Variants in CEBPG observed in about 807,000 individuals in gnomAD.
CEBPG encodes CCAAT enhancer binding protein gamma, also known as CCAAT/enhancer-binding protein gamma.
In CEBPG, 6 loss-of-function variants were observed where a neutral mutation model predicts 11.1. The ratio of observed to expected loss-of-function variants is 0.54; its 90% confidence interval spans 0.30 to 1.07. The LOEUF (loss-of-function observed/expected upper bound fraction) is 1.07. Among genes scored for constraint, CEBPG ranks in the 50% least tolerant of loss-of-function variants. CEBPG has a pLI of 0.07. For missense variants in CEBPG, 161 were observed against 187.4 expected, an observed-to-expected ratio of 0.86 and a Z score of 0.82; for synonymous variants, 66 against 71.0, an observed-to-expected ratio of 0.93 and a Z score of 0.36.
intron 1 of CEBPG, among the ~76,000 whole-genome samples, chr19:33,377,969 A>T (rs1000446465): frequency 2.0e-4 from 30 of 152,146 alleles, no homozygotes; most frequent in Non-Finnish European, 2.9e-5. Context: ...CTGACTCCAG[A>T]TTTTTTCCAC....
chr19:33,379,699 C>A lies in CEBPG; in HGVS notation c.*7C>A. 6.3e-7 allele frequency: 1 copy of A among 1,594,234 alleles called. No individual in the cohort carries two copies. The highest frequency in any genetic ancestry group is 8.6e-7 in the Non-Finnish European group (1 of 1,168,204). On this transcript the variant is annotated 3_prime_UTR_variant, in exon 2 of 2. Transcript: ENST00000284000. ...CGACAATGCAGGACAGTAGACCTCA[C>A]CCTTTCCAGACTTTAGAGCTTGTGG...
Position 33,381,120 on chromosome 19 carries a change from T to G in CEBPG, c.*1428T>G, listed in dbSNP as rs1967982698. ...TTCTTAGCACAGTTCTAGCTCAAATTTGTGTATTTTTTGTGTGCCTGGGCT... is the reference window on the plus strand; with the variant it reads ...TTCTTAGCACAGTTCTAGCTCAAATGTGTGTATTTTTTGTGTGCCTGGGCT... On this transcript the variant is annotated 3_prime_UTR_variant, in exon 2 of 2. Transcript: ENST00000284000. 1 of 167,118 alleles carries G rather than the reference T, an allele frequency of 6.0e-6. No individual in the cohort carries two copies. The highest frequency in any genetic ancestry group is 1.5e-5 in the Non-Finnish European group (1 of 68,124). The allele number at this position is 167,118 out of a possible 1,614,324, so 10.4% of individuals were successfully genotyped here.
chr19:33,374,141 G>A (rs1967880330), intron 1 of CEBPG, among the ~76,000 whole-genome samples: 2 of 149,344 alleles, frequency 1.3e-5, no homozygotes. Context: ...GCGCTGCGGC[G>A]CCGCCCGTCG....
rs375374750 is a variant in CEBPG at position 33,379,523 on chromosome 19, A to G, written c.284A>G (p.Asn95Ser). 140 of 1,614,020 alleles carry G rather than the reference A, an allele frequency of 8.7e-5. No homozygotes were observed. The highest frequency in any genetic ancestry group is 8.2e-4 in the Middle Eastern group (5 of 6,084). Residue 95 changes from asparagine to serine, a missense_variant, in exon 2 of 2, where the codon AAT becomes AGT. Asn to Ser is a conservative substitution (Grantham distance 46, BLOSUM62 1). Coordinates refer to ENST00000284000, the MANE Select transcript of CEBPG (RefSeq NM_001806.4). The part of the protein sequence containing the change: ...QKAQDTLQRV[N>S]QLKEENERLE... The stretch of plus-strand genomic sequence containing the variant: ...GCACAAGACACACTGCAGAGAGTCA[A>G]TCAGCTCAAAGAAGAGAATGAACGG...
Position 33,379,980 on chromosome 19 carries a change from C to T in CEBPG, c.*288C>T. Reference sequence around the variant, plus strand: ...TGGGATCCCGATGTTCTTAATAAATCCTGACTTCCCAAGAAATGCTTCTTT... The same window carrying T: ...TGGGATCCCGATGTTCTTAATAAATTCTGACTTCCCAAGAAATGCTTCTTT... On this transcript the variant is annotated 3_prime_UTR_variant, in exon 2 of 2. Transcript: ENST00000284000. 1 of 277,744 alleles carries T rather than the reference C, an allele frequency of 3.6e-6. No homozygotes were observed. The highest frequency in any genetic ancestry group is 7.1e-6 in the Non-Finnish European group (1 of 140,224). The allele number at this position is 277,744 out of a possible 1,614,324, so 17.2% of individuals were successfully genotyped here. A position where few individuals can be genotyped will look rare whatever the true frequency, so the allele number is the denominator to read the frequency against.
chr19:33,378,097 G>T (rs1380948666), intron 1 of CEBPG, among the ~76,000 whole-genome samples: 1 of 152,194 alleles, frequency 6.6e-6, no homozygotes, highest in Admixed American at 6.5e-5. Context: ...ACTGAACTTA[G>T]TTTGTCTTGA....
chr19:33,375,485 T>C (rs567080964), intron 1 of CEBPG, among the ~76,000 whole-genome samples: 2 of 152,324 alleles, frequency 1.3e-5, no homozygotes, highest in African/African-American at 4.8e-5. Flanking sequence ...GTTTGTGGCT[T>C]TCTAGCTCTA....
In CEBPG at chr19:33,379,837, A is replaced by T; in HGVS notation, c.*145A>T. On this transcript the variant is annotated 3_prime_UTR_variant, in exon 2 of 2. Coordinates refer to ENST00000284000, the MANE Select transcript of CEBPG (RefSeq NM_001806.4). ...CTATTTTCTGGGATCAGCACTGAAG[A>T]GTTGATTAGCTAAAAATGTTAGCCT... 3.0e-6 allele frequency: 2 copies of T among 662,988 alleles called. No individual in the cohort carries two copies. Among genetic ancestry groups the T allele is most frequent in the Non-Finnish European group, 5.0e-6 (2 of 402,608 alleles). 41.1% of individuals were successfully genotyped at this position (662,988 alleles called of 1,614,324 possible).
Position 33,379,867 on chromosome 19 carries a change from A to T in CEBPG, c.*175A>T, listed in dbSNP as rs188012776. The T allele has an allele frequency of 7.2e-6, 4 of 554,836 alleles. No homozygotes were observed. The Admixed American group carries it at 1.5e-4, about 20-fold the overall frequency. The allele number at this position is 554,836 out of a possible 1,614,324, so 34.4% of individuals were successfully genotyped here. The stretch of plus-strand genomic sequence containing the variant: ...ATTAGCTAAAAATGTTAGCCTTGTA[A>T]TTCGAATATCTGGTTTTAAATGATA... On this transcript the variant is annotated 3_prime_UTR_variant, in exon 2 of 2. Coordinates refer to ENST00000284000, the MANE Select transcript of CEBPG (RefSeq NM_001806.4).
chr19:33,381,769 C>T lies in CEBPG; in HGVS notation c.*2077C>T, dbSNP rs780467002. 6.0e-6 allele frequency: 1 copy of T among 167,010 alleles called. No homozygotes were observed. The highest frequency in any genetic ancestry group is 1.5e-5 in the Non-Finnish European group (1 of 68,108). 10.3% of individuals were successfully genotyped at this position (167,010 alleles called of 1,614,324 possible). ...GAAAAAGAAACTTTAGAGAAAGCAT[C>T]AGGGGTGTGTACTCAGTATTTCAAA... On this transcript the variant is annotated 3_prime_UTR_variant, in exon 2 of 2. Transcript: ENST00000284000.
In CEBPG at chr19:33,379,864, G is replaced by A. The variant is rs185005019; in HGVS notation, c.*172G>A. 1 of 559,972 alleles carries A rather than the reference G, an allele frequency of 1.8e-6. No homozygotes were observed. Among genetic ancestry groups the A allele is most frequent in the Admixed American group, 3.6e-5 (1 of 27,452 alleles). The allele number at this position is 559,972 out of a possible 1,614,324, so 34.7% of individuals were successfully genotyped here. On this transcript the variant is annotated 3_prime_UTR_variant, in exon 2 of 2. Coordinates refer to ENST00000284000, the MANE Select transcript of CEBPG (RefSeq NM_001806.4). ...TTGATTAGCTAAAAATGTTAGCCTT[G>A]TAATTCGAATATCTGGTTTTAAATG... is the stretch of plus-strand genomic sequence containing the variant.
chr19:33,380,625 G>T lies in CEBPG; in HGVS notation c.*933G>T, dbSNP rs900407194. ...TAATTCAGAAGGTAGTTTCTCTTGT[G>T]TTCAAAATAGCTGCCATGGGGCTGT... On this transcript the variant is annotated 3_prime_UTR_variant, in exon 2 of 2. Transcript: ENST00000284000. 3 of 166,938 alleles carry T rather than the reference G, an allele frequency of 1.8e-5. No individual in the cohort carries two copies. The highest frequency in any genetic ancestry group is 7.2e-5 in the African/African-American group (3 of 41,430). The allele number at this position is 166,938 out of a possible 1,614,324, so 10.3% of individuals were successfully genotyped here.
In CEBPG at chr19:33,381,571, C is replaced by T. The variant is rs533429482; in HGVS notation, c.*1879C>T. 5.0e-4 allele frequency: 84 copies of T among 167,194 alleles called. No individual in the cohort carries two copies. Among genetic ancestry groups the T allele is most frequent in the Non-Finnish European group, 1.0e-3 (68 of 68,110 alleles). The allele number at this position is 167,194 out of a possible 1,614,324, so 10.4% of individuals were successfully genotyped here. ...GCCAGGACACACCCACAGGATCCTA[C>T]TGGCTCCTTAGCAGCTGATTGGTGT... On this transcript the variant is annotated 3_prime_UTR_variant, in exon 2 of 2. Coordinates refer to ENST00000284000, the MANE Select transcript of CEBPG (RefSeq NM_001806.4).
Position 33,381,456 on chromosome 19 carries a change from G to C in CEBPG, c.*1764G>C, listed in dbSNP as rs1967987174. On this transcript the variant is annotated 3_prime_UTR_variant, in exon 2 of 2. Coordinates refer to ENST00000284000, the MANE Select transcript of CEBPG (RefSeq NM_001806.4). ...GGCTGTTAACTCCCTATAGAGCCAG[G>C]AGACAGGATAGGGGTTTCTAGGGTC... 6.0e-6 allele frequency: 1 copy of C among 166,988 alleles called. No homozygotes were observed. Among genetic ancestry groups the C allele is most frequent in the African/African-American group, 2.4e-5 (1 of 41,452 alleles). The allele number at this position is 166,988 out of a possible 1,614,324, so 10.3% of individuals were successfully genotyped here. A position where few individuals can be genotyped will look rare whatever the true frequency, so the allele number is the denominator to read the frequency against.
chr19:33,379,334 C>T lies in CEBPG; in HGVS notation c.95C>T (p.Pro32Leu). Reference sequence around the variant, plus strand: ...CATGCCAGCGGCTTACAGCAGGTTCCTCAGCTGGTGCCTGCTGGCCCTGGG... The same window carrying T: ...CATGCCAGCGGCTTACAGCAGGTTCTTCAGCTGGTGCCTGCTGGCCCTGGG... Reference protein sequence around the residue: ...QAHASGLQQVPQLVPAGPGGG... With the variant: ...QAHASGLQQVLQLVPAGPGGG... The change falls in exon 2 of 2, where the codon CCT becomes CTT. Residue 32 changes from proline (P) to leucine (L), a missense_variant. Physicochemically the swap from Pro to Leu is moderately conservative, Grantham distance 98. Transcript: ENST00000284000. 1 of 1,613,844 alleles carries T rather than the reference C, an allele frequency of 6.2e-7. No individual in the cohort carries two copies. The highest frequency in any genetic ancestry group is 8.5e-7 in the Non-Finnish European group (1 of 1,179,898).
chr19:33,375,844 G>A (rs1381302780), intron 1 of CEBPG, among the ~76,000 whole-genome samples: 1 of 152,176 alleles, frequency 6.6e-6, no homozygotes, highest in Non-Finnish European at 1.5e-5. Flanking sequence ...GTGTGAGGGA[G>A]GAGAGAGGGT....
At position 33,379,841 on chromosome 19, in the gene CEBPG, G is replaced by C. The variant is rs1967963507; in HGVS notation, c.*149G>C. The C allele has an allele frequency of 1.5e-6, 1 of 652,382 alleles. No individual in the cohort carries two copies. Among genetic ancestry groups the C allele is most frequent in the African/African-American group, 1.8e-5 (1 of 54,494 alleles). 40.4% of individuals were successfully genotyped at this position (652,382 alleles called of 1,614,324 possible). On this transcript the variant is annotated 3_prime_UTR_variant, in exon 2 of 2. Transcript: ENST00000284000. ...TTTCTGGGATCAGCACTGAAGAGTT[G>C]ATTAGCTAAAAATGTTAGCCTTGTA... is the stretch of plus-strand genomic sequence containing the variant.
In CEBPG at chr19:33,382,247, T is replaced by C. The variant is rs1967999523; in HGVS notation, c.*2555T>C. 1.2e-5 allele frequency: 2 copies of C among 167,134 alleles called. No homozygotes were observed. The highest frequency in any genetic ancestry group is 4.8e-5 in the African/African-American group (2 of 41,466). The allele number at this position is 167,134 out of a possible 1,614,324, so 10.4% of individuals were successfully genotyped here. ...GCTGCTGGCCCCTGCAATCAGTTGT[T>C]GGGATGCCAGTGCAGATCACTAAGT... On this transcript the variant is annotated 3_prime_UTR_variant, in exon 2 of 2. Coordinates refer to ENST00000284000, the MANE Select transcript of CEBPG (RefSeq NM_001806.4).
In CEBPG at chr19:33,381,194, G is replaced by A. The variant is rs1967983645; in HGVS notation, c.*1502G>A. Reference sequence around the variant, plus strand: ...CTGATTTAAAAGTTTGTGTTATCAGGTATCTTATTTGAACATGGTCATTTT... The same window carrying A: ...CTGATTTAAAAGTTTGTGTTATCAGATATCTTATTTGAACATGGTCATTTT... On this transcript the variant is annotated 3_prime_UTR_variant, in exon 2 of 2. Coordinates refer to ENST00000284000, the MANE Select transcript of CEBPG (RefSeq NM_001806.4). 1 of 167,136 alleles carries A rather than the reference G, an allele frequency of 6.0e-6. No homozygotes were observed. The highest frequency in any genetic ancestry group is 3.4e-3 in the Middle Eastern group (1 of 296). 10.4% of individuals were successfully genotyped at this position (167,136 alleles called of 1,614,324 possible). A position where few individuals can be genotyped will look rare whatever the true frequency, so the allele number is the denominator to read the frequency against.
Sources: allele counts gnomAD v4.1 joint callset (sites outside exome capture counted in the v4.1 genomes callset), GRCh38; gene constraint gnomAD v4.1.1; transcripts MANE v1.5; gene names NCBI Gene and HGNC (gene_info 2026-07-23, HGNC 2026-07-21).